Variants in HOXA3 observed in about 807,000 individuals in gnomAD.
HOXA3 encodes the protein homeobox protein Hox-A3.
A neutral mutation model predicts 30.3 loss-of-function variants in HOXA3; 8 were observed. The observed-to-expected ratio is 0.26, with a 90% CI of 0.15 to 0.48. The LOEUF is 0.48. Among genes scored for constraint, HOXA3 ranks in the 20% least tolerant of loss-of-function variants. HOXA3 has a pLI of 0.99. For synonymous variants in HOXA3, 323 were observed against 273.1 expected, an observed-to-expected ratio of 1.18 and a Z score of -1.80; for missense variants, 653 against 614.4, an observed-to-expected ratio of 1.06 and a Z score of -0.66.
At chr7:27,118,168 C>T (rs1784824297) in intron 4 of HOXA3, among the ~76,000 whole-genome samples, 2 of 152,214 alleles carry the variant, frequency 1.3e-5, no homozygotes, top group African/African-American at 4.8e-5. Flanking sequence ...TTCCATCCTC[C>T]TGGTATAGCC....
chr7:27,107,957 A>G lies in HOXA3; in HGVS notation c.1290T>C (p.Ser430=). ...TGGGTGCTTCCTGAATTCTTCCCTG[A>G]GAAGGATGGTGGCCGGTAAGGTCCG... is the stretch of plus-strand genomic sequence containing the variant. The part of the protein sequence containing the change: ...TYTDLTGHHP[S]QGRIQEAPKL... The change falls in exon 6 of 6, where the codon TCT becomes TCC. Residue 430 remains serine, a synonymous_variant. Coordinates refer to ENST00000612286, the MANE Select transcript of HOXA3 (RefSeq NM_153631.3). 3 of 1,594,366 alleles carry G rather than the reference A, an allele frequency of 1.9e-6. No individual in the cohort carries two copies. Among genetic ancestry groups the G allele is most frequent in the Non-Finnish European group, 2.6e-6 (3 of 1,165,420 alleles).
At chr7:27,129,702 G>C in intron 2 of HOXA3, 4 of 976,002 alleles carry the variant, frequency 4.1e-6, no homozygotes, top group Non-Finnish European at 6.3e-6. Flanking sequence ...CTGACACCAA[G>C]TTCACGCAAG....
At position 27,108,593 on chromosome 7, in the gene HOXA3, C is replaced by T. The variant is rs1433398195; in HGVS notation, c.654G>A (p.Arg218=). 3.1e-6 allele frequency: 5 copies of T among 1,614,040 alleles called. No homozygotes were observed. The highest frequency in any genetic ancestry group is 4.2e-6 in the Non-Finnish European group (5 of 1,180,006). Residue 218 remains arginine (R), a synonymous_variant, in exon 6 of 6, where the codon CGG becomes CGA. Transcript: ENST00000612286. This position sits in a 1 kb window ranked among gnomAD's most constrained non-coding sequence, Gnocchi z 5.0. ...GATTGGCCATCTCCACCCGGCGCGG[C>T]CGGCACAGGTAGCGGTTGAAGTGGA... The part of the protein sequence containing the change: ...KEFHFNRYLC[R]PRRVEMANLL...
chr7:27,130,759 A>C, intron 2 of HOXA3: 1 of 1,591,416 alleles, frequency 6.3e-7, no homozygotes, highest in Non-Finnish European at 8.6e-7. Context: ...AAAAATACTA[A>C]TTTTTCTCGC....
At chr7:27,146,744 G>A (rs950198904) in intron 1 of HOXA3, among the ~76,000 whole-genome samples, 1 of 152,170 alleles carries the variant, frequency 6.6e-6, no homozygotes, top group African/African-American at 2.4e-5. Context: ...GCAGAAGTTG[G>A]CTAAGAGTGG....
chr7:27,151,754 G>A, intron 1 of HOXA3: 1 of 450,166 alleles, frequency 2.2e-6, no homozygotes, highest in Non-Finnish European at 4.5e-6. Context: ...GTGCTGTGCT[G>A]ATGCTAATAA....
Position 27,107,907 on chromosome 7 carries a change from G to C in HOXA3, c.*8C>G, listed in dbSNP as rs1383682218. 1 of 1,529,180 alleles carries C rather than the reference G, an allele frequency of 6.5e-7. No homozygotes were observed. The highest frequency in any genetic ancestry group is 8.9e-7 in the Non-Finnish European group (1 of 1,126,840). The allele number at this position is 1,529,180 out of a possible 1,614,324, so 94.7% of individuals were successfully genotyped here. On this transcript the variant is annotated 3_prime_UTR_variant, in exon 6 of 6. Transcript: ENST00000612286. ...AGACTCTCCTGGCGCGTAGCCCCAA[G>C]CCCACTATCACAGGTGGGTGAGCTT...
intron 1 of HOXA3, among the ~76,000 whole-genome samples, chr7:27,144,074 G>A (rs948807605): frequency 1.3e-5 from 2 of 152,244 alleles, no homozygotes; most frequent in African/African-American, 4.8e-5. Flanking sequence ...TGCCGATCGC[G>A]CGCCCGGCGA....
intron 2 of HOXA3, among the ~76,000 whole-genome samples, chr7:27,136,988 A>G (rs983485592): frequency 1.3e-5 from 2 of 152,130 alleles, no homozygotes; most frequent in Non-Finnish European, 2.9e-5. Flanking sequence ...AAAGGGAGGG[A>G]GCCCACAATG....
chr7:27,130,554 G>C, intron 2 of HOXA3: 1 of 1,423,312 alleles, frequency 7.0e-7, no homozygotes, highest in Middle Eastern at 2.4e-4. Flanking sequence ...CCGCGTGAGG[G>C]AGCTGGGGCT....
At chr7:27,141,644 G>T in intron 1 of HOXA3, 1 of 596,316 alleles carries the variant, frequency 1.7e-6, no homozygotes, top group South Asian at 2.8e-5. Flanking sequence ...ACAAAGAGAT[G>T]AACAGAAAGC....
intron 1 of HOXA3, chr7:27,141,261 T>C (rs1782559533): frequency 6.6e-6 from 1 of 152,628 alleles, no homozygotes; most frequent in South Asian, 2.1e-4. Context: ...AAGGGTCCTA[T>C]AAAGGCACGC....
At chr7:27,136,604 A>T (rs1034170030) in intron 2 of HOXA3, among the ~76,000 whole-genome samples, 3 of 152,146 alleles carry the variant, frequency 2.0e-5, no homozygotes, top group Admixed American at 6.5e-5. Context: ...GGGTGTGCAG[A>T]TTTATCTTCT....
intron 4 of HOXA3, among the ~76,000 whole-genome samples, chr7:27,121,724 C>T (rs1009857785): frequency 6.6e-6 from 1 of 152,128 alleles, no homozygotes; most frequent in Non-Finnish European, 1.5e-5. Context: ...CCTGAAAGAA[C>T]AAAGCAAACT....
chr7:27,125,744 C>A (rs948048001), intron 3 of HOXA3, among the ~76,000 whole-genome samples: 2 of 152,216 alleles, frequency 1.3e-5, no homozygotes, highest in Non-Finnish European at 2.9e-5. Flanking sequence ...GAGGGGAAGC[C>A]CCAGGCTTTT....
At chr7:27,110,969 G>C (rs1784340014) in intron 4 of HOXA3, among the ~76,000 whole-genome samples, 1 of 147,954 alleles carries the variant, frequency 6.8e-6, no homozygotes, top group South Asian at 2.2e-4. Context: ...TCTGGAGTTG[G>C]GGGATTTTCC....
intron 2 of HOXA3, among the ~76,000 whole-genome samples, chr7:27,135,199 C>T (rs942753554): frequency 4.6e-5 from 7 of 151,574 alleles, no homozygotes; most frequent in Middle Eastern, 3.4e-3. Flanking sequence ...TTTAATTCCA[C>T]GTGTATCATT....
chr7:27,135,312 C>T (rs891682543), intron 2 of HOXA3, among the ~76,000 whole-genome samples: 1 of 151,980 alleles, frequency 6.6e-6, no homozygotes, highest in Non-Finnish European at 1.5e-5. Context: ...TCCCTACAGT[C>T]TAGTTATTCA....
rs140527070 is a variant in HOXA3, at chr7:27,109,599, C to T, written c.526+516G>A. On this transcript the variant is annotated intron_variant, in intron 5 of 5. Transcript: ENST00000612286. ...CCCCCAGGAGATCTTTGGCTGCTTT[C>T]ATTGTACTAAGTCTGAGTAGGGTCT... Among the ~76,000 whole-genome samples, 160 of 152,342 alleles carry T rather than the reference C, an allele frequency of 1.1e-3. 1 individual carries two copies. The highest frequency in any genetic ancestry group is 3.6e-3 in the African/African-American group (150 of 41,576).
Sources: allele counts gnomAD v4.1 joint callset (sites outside exome capture counted in the v4.1 genomes callset), GRCh38; gene constraint gnomAD v4.1.1; non-coding constraint Gnocchi (gnomAD v3.1); transcripts MANE v1.5; gene names NCBI Gene and HGNC (gene_info 2026-07-23, HGNC 2026-07-21).